AGAP1: variants seen among roughly 807,000 people sequenced by gnomAD.
AGAP1 encodes ArfGAP with GTPase domain, ankyrin repeat and PH domain 1, also known as arf-GAP with GTPase, ANK repeat and PH domain-containing protein 1.
A neutral mutation model predicts 105.3 loss-of-function variants in AGAP1; 29 were observed. That is an observed-to-expected ratio of 0.28 (90% CI 0.21 to 0.38). The LOEUF (loss-of-function observed/expected upper bound fraction) is 0.38, where lower values mean the gene tolerates loss of function less well. Among genes scored for constraint, AGAP1 ranks in the 10% least tolerant of loss-of-function variants. The pLI, the probability that AGAP1 is intolerant of heterozygous loss-of-function variation, is 1.00. For missense variants in AGAP1, 998 were observed against 1,165.1 expected (o/e 0.86, Z 2.09); for synonymous variants, 509 against 485.9 (o/e 1.05, Z -0.63).
In AGAP1 at chr2:235,725,099, C is replaced by T. The variant is rs1951581337; in HGVS notation, c.310+7455C>T. 6.6e-6 allele frequency among the ~76,000 whole-genome samples: 1 copy of T among 152,192 alleles called. No homozygotes were observed. The highest frequency in any genetic ancestry group is 2.1e-4 in the South Asian group (1 of 4,826). On this transcript the variant is annotated intron_variant, in intron 3 of 17. Transcript: ENST00000304032. The surrounding 1 kb of genome is among the most constrained non-coding windows in gnomAD (Gnocchi z 5.7). ...TTTGGTTTCTGTTGCTTGTTCCAAG[C>T]TGCTGACGCGGTGTGCTGGATGAGA...
intron 10 of AGAP1, among the ~76,000 whole-genome samples, chr2:235,886,080 C>A (rs979879220): frequency 2.9e-4 from 44 of 152,162 alleles, no homozygotes; most frequent in Non-Finnish European, 6.3e-4. Flanking sequence ...AGCTTCCATC[C>A]ATCAGAACAA....
At chr2:236,028,230 T>C (rs2057115660) in intron 13 of AGAP1, among the ~76,000 whole-genome samples, 1 of 152,184 alleles carries the variant, frequency 6.6e-6, no homozygotes, top group Admixed American at 6.5e-5. Flanking sequence ...CTGTTGGGCC[T>C]TGTTGGTGTT....
Position 236,049,553 on chromosome 2 carries a change from A to G in AGAP1, c.2114+272A>G, listed in dbSNP as rs1462831278. On this transcript the variant is annotated intron_variant, in intron 16 of 17. Transcript: ENST00000304032. The stretch of plus-strand genomic sequence containing the variant: ...GTATTAAGCTTCTAACCTTATGAAT[A>G]TATTACTTTAATTAATACATTTCTA... The G allele has an allele frequency of 9.4e-6, 3 of 318,964 alleles. No individual in the cohort carries two copies. The East Asian group carries it at 1.7e-4, about 18-fold the overall frequency. The allele number at this position is 318,964 out of a possible 1,614,324, so 19.8% of individuals were successfully genotyped here.
At chr2:235,909,488 G>T (rs941213429) in intron 11 of AGAP1, among the ~76,000 whole-genome samples, 1 of 152,050 alleles carries the variant, frequency 6.6e-6, no homozygotes, top group African/African-American at 2.4e-5. Flanking sequence ...GTGCCCAGTT[G>T]CAAGCCATCC....
At chr2:235,917,116 T>C (rs549196527) in intron 11 of AGAP1, among the ~76,000 whole-genome samples, 12 of 152,314 alleles carry the variant, frequency 7.9e-5, no homozygotes, top group South Asian at 2.1e-4. Context: ...CCTAACCAGA[T>C]TGATGCTTAG....
At chr2:235,912,309 G>A (rs1028467448) in intron 11 of AGAP1, among the ~76,000 whole-genome samples, 2 of 152,142 alleles carry the variant, frequency 1.3e-5, no homozygotes, top group African/African-American at 4.8e-5. Flanking sequence ...CCTCTCACCT[G>A]AGGAATTCCA....
At chr2:235,670,850 C>T (rs1948370430) in intron 1 of AGAP1, 1 of 1,244,920 alleles carries the variant, frequency 8.0e-7, no homozygotes, top group Middle Eastern at 2.9e-4. Flanking sequence ...GGAGCGCGCG[C>T]GGGCGGCGGC....
At chr2:235,641,026 T>G (rs1045231237) in intron 1 of AGAP1, among the ~76,000 whole-genome samples, 1 of 152,242 alleles carries the variant, frequency 6.6e-6, no homozygotes, top group Non-Finnish European at 1.5e-5. Flanking sequence ...CTTTTTGTAA[T>G]GACCGGCCTA....
At chr2:235,702,758 A>G (rs1442754184) in intron 1 of AGAP1, among the ~76,000 whole-genome samples, 7 of 151,978 alleles carry the variant, frequency 4.6e-5, no homozygotes, top group Non-Finnish European at 1.5e-5. Flanking sequence ...CAAGTAGCAC[A>G]TGTGCCTGTC....
rs2055189395 is a variant in AGAP1, at chr2:235,983,731, A to G, written c.1645+15108A>G. 6.6e-6 allele frequency among the ~76,000 whole-genome samples: 1 copy of G among 152,122 alleles called. No individual in the cohort carries two copies. Among genetic ancestry groups the G allele is most frequent in the Non-Finnish European group, 1.5e-5 (1 of 68,026 alleles). On this transcript the variant is annotated intron_variant, in intron 13 of 17. Coordinates refer to ENST00000304032, the MANE Select transcript of AGAP1 (RefSeq NM_001037131.3). This position sits in a 1 kb window ranked among gnomAD's most constrained non-coding sequence, Gnocchi z 4.5. The stretch of plus-strand genomic sequence containing the variant: ...CCTACAGTTTTTGATACAGTCACAT[A>G]CTGTATGGGTTTATGCCCTGGGAGC...
rs1379914294 is a variant in AGAP1, at chr2:236,114,303, G to A, written c.2115-5889G>A. ...GGCCTCCGAGTGACCATTTGAGTCT[G>A]TGTGCTTTGACATCATGGCTTCTTA... On this transcript the variant is annotated intron_variant, in intron 16 of 17. Transcript: ENST00000304032. This position sits in a 1 kb window ranked among gnomAD's most constrained non-coding sequence, Gnocchi z 5.0. Among the ~76,000 whole-genome samples the A allele has an allele frequency of 6.6e-6, 1 of 152,158 alleles. No individual in the cohort carries two copies. The highest frequency in any genetic ancestry group is 1.5e-5 in the Non-Finnish European group (1 of 68,032).
At position 235,709,280 on chromosome 2, in the gene AGAP1, G is replaced by A. The variant is rs779995948; in HGVS notation, c.222+43G>A. 1.9e-6 allele frequency: 3 copies of A among 1,598,798 alleles called. No homozygotes were observed. In the African/African-American group the frequency reaches 4.0e-5, roughly 21 times the overall value. On this transcript the variant is annotated intron_variant, in intron 2 of 17. Coordinates refer to ENST00000304032, the MANE Select transcript of AGAP1 (RefSeq NM_001037131.3). ...GCCCTGGCACCTGTGGGAAGGGAGG[G>A]GCTCTGTGCACACCCAAGCCTGCAT...
chr2:235,719,207 C>T lies in AGAP1; in HGVS notation c.310+1563C>T, dbSNP rs983436078. 2.0e-5 allele frequency among the ~76,000 whole-genome samples: 3 copies of T among 152,198 alleles called. No homozygotes were observed. The highest frequency in any genetic ancestry group is 2.1e-4 in the South Asian group (1 of 4,830). ...GTTTTGTTGCTGTTGCTCTGGCAGTCTCTGGCCCTGGGGTTCAGGTGTCTG... is the reference window on the plus strand; with the variant it reads ...GTTTTGTTGCTGTTGCTCTGGCAGTTTCTGGCCCTGGGGTTCAGGTGTCTG... On this transcript the variant is annotated intron_variant, in intron 3 of 17. Transcript: ENST00000304032. This position sits in a 1 kb window ranked among gnomAD's most constrained non-coding sequence, Gnocchi z 4.9.
intron 9 of AGAP1, among the ~76,000 whole-genome samples, chr2:235,862,216 T>C (rs1219656062): frequency 6.6e-6 from 1 of 152,210 alleles, no homozygotes; most frequent in Non-Finnish European, 1.5e-5. Flanking sequence ...CGATGCACTT[T>C]GTTTTCCAGA....
chr2:235,775,206 T>C (rs1955771262), intron 6 of AGAP1, among the ~76,000 whole-genome samples: 1 of 152,088 alleles, frequency 6.6e-6, no homozygotes, highest in Admixed American at 6.5e-5. Context: ...AGTAACCAAT[T>C]TGGGATTCCT....
At position 236,128,237 on chromosome 2, in the gene AGAP1, G is replaced by A. The variant is rs369871608; in HGVS notation, c.*4115G>A. ...TGTATATTCTGCTTTGTAGTCTGAG[G>A]TTGATTTTCTAGAGGCGAGGAAGGG... On this transcript the variant is annotated 3_prime_UTR_variant, in exon 18 of 18. Transcript: ENST00000304032. The surrounding 1 kb of genome is among the most constrained non-coding windows in gnomAD (Gnocchi z 5.9). The A allele has an allele frequency of 2.9e-4, 44 of 152,508 alleles. No individual in the cohort carries two copies. The East Asian group carries it at 8.3e-3, about 29-fold the overall frequency. The allele number at this position is 152,508 out of a possible 1,614,324, so 9.4% of individuals were successfully genotyped here. A position where few individuals can be genotyped will look rare whatever the true frequency, so the allele number is the denominator to read the frequency against.
rs943208710 is a variant in AGAP1 at position 235,701,550 on chromosome 2, C to G, written c.164-7629C>G. Reference sequence around the variant, plus strand: ...GAGGCTGCTGAAAAGGATCTTTGAGCCTGAACTTCCAGGGAAGCCTGAAAC... The same window carrying G: ...GAGGCTGCTGAAAAGGATCTTTGAGGCTGAACTTCCAGGGAAGCCTGAAAC... On this transcript the variant is annotated intron_variant, in intron 1 of 17. Transcript: ENST00000304032. This position sits in a 1 kb window ranked among gnomAD's most constrained non-coding sequence, Gnocchi z 4.1. Among the ~76,000 whole-genome samples, 43 of 152,220 alleles carry G rather than the reference C, an allele frequency of 2.8e-4. No homozygotes were observed. In the Middle Eastern group the frequency reaches 0.01, roughly 36 times the overall value.
rs1942435761 is a variant in AGAP1, at chr2:235,517,458, G to A, written c.163+22609G>A. Among the ~76,000 whole-genome samples the A allele has an allele frequency of 6.6e-6, 1 of 152,102 alleles. No individual in the cohort carries two copies. The highest frequency in any genetic ancestry group is 1.5e-5 in the Non-Finnish European group (1 of 68,030). On this transcript the variant is annotated intron_variant, in intron 1 of 17. Coordinates refer to ENST00000304032, the MANE Select transcript of AGAP1 (RefSeq NM_001037131.3). The surrounding 1 kb of genome is among the most constrained non-coding windows in gnomAD (Gnocchi z 4.1). ...CTTTGACGACATAGCTGTGCCCAAC[G>A]TAGATCTTTATGGTAATTTTATTTT...
intron 1 of AGAP1, among the ~76,000 whole-genome samples, chr2:235,497,244 G>C (rs1279533973): frequency 6.6e-6 from 1 of 152,114 alleles, no homozygotes; most frequent in South Asian, 2.1e-4. Flanking sequence ...TCTGAACCAA[G>C]GGATCATTTG....
Sources: allele counts gnomAD v4.1 joint callset (sites outside exome capture counted in the v4.1 genomes callset), GRCh38; gene constraint gnomAD v4.1.1; non-coding constraint Gnocchi (gnomAD v3.1); transcripts MANE v1.5; gene names NCBI Gene and HGNC (gene_info 2026-07-23, HGNC 2026-07-21).